The following PIEZO2 variants were observed in gnomAD, a reference collection of about 807,000 sequenced individuals.
PIEZO2 encodes the protein piezo type mechanosensitive ion channel component 2.
Under a neutral mutation model 337.3 loss-of-function variants are expected in PIEZO2, and 172 were observed. The observed-to-expected ratio is 0.51, with a 90% CI of 0.45 to 0.58. The LOEUF is 0.58. Ranked by LOEUF, PIEZO2 falls within the 20% of genes least tolerant of loss-of-function variation. The probability of loss-of-function intolerance (pLI) is 0.00; values close to 1 mark genes in which losing one functional copy is unlikely to be tolerated. For synonymous variants in PIEZO2, 1,251 were observed against 1,228.5 expected, an observed-to-expected ratio of 1.02 and a Z score of -0.38; for missense variants, 3,028 against 3,391.3, an observed-to-expected ratio of 0.89 and a Z score of 2.66.
rs939575255 is a variant in PIEZO2, at chr18:10,993,845, T to A, written c.161-14185A>T. Among the ~76,000 whole-genome samples the A allele has an allele frequency of 3.9e-5, 6 of 152,042 alleles. No individual in the cohort carries two copies. The highest frequency in any genetic ancestry group is 1.3e-4 in the Admixed American group (2 of 15,276). On this transcript the variant is annotated intron_variant, in intron 2 of 55. Coordinates refer to ENST00000674853, the MANE Select transcript of PIEZO2 (RefSeq NM_001378183.1). The surrounding 1 kb of genome is among the most constrained non-coding windows in gnomAD (Gnocchi z 5.0). ...CCTGGCCATGTCTCTGCTTTTTTTT[T>A]ATTATTAATTTTAAAATTTTTCATT...
intron 33 of PIEZO2, 52 bp from the exon 34 acceptor site, chr18:10,736,762 G>A: frequency 1.3e-6 from 2 of 1,513,082 alleles, no homozygotes; most frequent in Non-Finnish European, 1.8e-6. Flanking sequence ...TAAGGAAATT[G>A]GGGGCTTATT....
Position 10,988,716 on chromosome 18 carries a change from T to C in PIEZO2, c.161-9056A>G, listed in dbSNP as rs1173119645. On this transcript the variant is annotated intron_variant, in intron 2 of 55. Coordinates refer to ENST00000674853, the MANE Select transcript of PIEZO2 (RefSeq NM_001378183.1). This position sits in a 1 kb window ranked among gnomAD's most constrained non-coding sequence, Gnocchi z 4.8. ...GAAGGAATATTGGATAAGGAAATTG[T>C]GGCATATACATACATAGAATATTAT... Among the ~76,000 whole-genome samples the C allele has an allele frequency of 2.6e-5, 4 of 152,160 alleles. No homozygotes were observed. Among genetic ancestry groups the C allele is most frequent in the Admixed American group, 1.3e-4 (2 of 15,272 alleles).
chr18:10,907,950 C>T (rs1365188299), intron 4 of PIEZO2, among the ~76,000 whole-genome samples: 1 of 152,204 alleles, frequency 6.6e-6, no homozygotes, highest in African/African-American at 2.4e-5. Context: ...CACAAACCTA[C>T]ATTACAACAT....
intron 2 of PIEZO2, among the ~76,000 whole-genome samples, chr18:11,022,872 G>A (rs112942329): frequency 0.053 from 8,038 of 152,180 alleles, 293 homozygotes; most frequent in Non-Finnish European, 0.081. Flanking sequence ...TGTGTCCGGA[G>A]TTTGTTCCTT....
rs927268034 is a variant in PIEZO2 at position 11,035,269 on chromosome 18, C to T, written c.160+30858G>A. Among the ~76,000 whole-genome samples the T allele has an allele frequency of 1.3e-5, 2 of 152,076 alleles. No homozygotes were observed. Among genetic ancestry groups the T allele is most frequent in the Admixed American group, 6.6e-5 (1 of 15,260 alleles). ...AGAGAGTTCTTGCTCTGTTAGTTCA[C>T]GGAGAGCTGGTTGTTTAAAAAGCCT... On this transcript the variant is annotated intron_variant, in intron 2 of 55. Transcript: ENST00000674853. The surrounding 1 kb of genome is among the most constrained non-coding windows in gnomAD (Gnocchi z 4.3).
rs542682863 is a variant in PIEZO2, at chr18:11,127,995, A to T, written c.64+20530T>A. On this transcript the variant is annotated intron_variant, in intron 1 of 55. Coordinates refer to ENST00000674853, the MANE Select transcript of PIEZO2 (RefSeq NM_001378183.1). The surrounding 1 kb of genome is among the most constrained non-coding windows in gnomAD (Gnocchi z 4.5). Reference sequence around the variant, plus strand: ...GAAAATGCTAAGGACTCTACTGCTAACAGTATGCAGAACACTGGTAGTCCT... The same window carrying T: ...GAAAATGCTAAGGACTCTACTGCTATCAGTATGCAGAACACTGGTAGTCCT... 2.0e-5 allele frequency among the ~76,000 whole-genome samples: 3 copies of T among 152,230 alleles called. No individual in the cohort carries two copies. The South Asian group carries it at 6.2e-4, about 32-fold the overall frequency.
At chr18:11,068,753 T>C (rs1269155413) in intron 1 of PIEZO2, among the ~76,000 whole-genome samples, 1 of 152,094 alleles carries the variant, frequency 6.6e-6, no homozygotes. Context: ...GAGTTGGTTT[T>C]TTGAAAAGAA....
rs2170664 is a variant in PIEZO2, at chr18:11,016,409, G to A, written c.161-36749C>T. ...GAGGCTGGAGGGCACTGACAACACA[G>A]AGGAACCAAAACCCAGACAATTCCC... On this transcript the variant is annotated intron_variant, in intron 2 of 55. Coordinates refer to ENST00000674853, the MANE Select transcript of PIEZO2 (RefSeq NM_001378183.1). The surrounding 1 kb of genome is among the most constrained non-coding windows in gnomAD (Gnocchi z 5.6). Among the ~76,000 whole-genome samples, 5,861 of 152,244 alleles carry A rather than the reference G, an allele frequency of 0.038. 226 individuals are homozygous for A. Among genetic ancestry groups the A allele is most frequent in the African/African-American group, 0.1 (4,280 of 41,518 alleles).
At chr18:10,864,551 CT>C (rs1305377077) in intron 5 of PIEZO2, among the ~76,000 whole-genome samples, 3 of 152,158 alleles carry the variant, frequency 2.0e-5, no homozygotes, top group Non-Finnish European at 4.4e-5. Context: ...AAAAATAGTT[CT>C]TGTTAAATAT....
chr18:11,025,489 T>C (rs1321205744), intron 2 of PIEZO2, among the ~76,000 whole-genome samples: 2 of 152,146 alleles, frequency 1.3e-5, no homozygotes, highest in Admixed American at 1.3e-4. Flanking sequence ...CAGAGCATAC[T>C]TTGAATGGCG....
At chr18:10,912,005 A>C (rs2030525252) in intron 3 of PIEZO2, among the ~76,000 whole-genome samples, 1 of 152,128 alleles carries the variant, frequency 6.6e-6, no homozygotes, top group East Asian at 1.9e-4. Context: ...GTTCCAACAC[A>C]TCACCCACCA....
chr18:10,778,433 C>T (rs770759102), intron 18 of PIEZO2, among the ~76,000 whole-genome samples: 4 of 151,392 alleles, frequency 2.6e-5, no homozygotes, highest in South Asian at 2.1e-4. Context: ...CCCAGGTTCA[C>T]GCCATTCTCC....
At position 10,748,651 on chromosome 18, in the gene PIEZO2, C is replaced by A; in HGVS notation, c.4265-21G>T. On this transcript the variant is annotated intron_variant, in intron 29 of 55. Coordinates refer to ENST00000674853, the MANE Select transcript of PIEZO2 (RefSeq NM_001378183.1). The surrounding 1 kb of genome is among the most constrained non-coding windows in gnomAD (Gnocchi z 5.1). ...AGCAGCTATAGTAACAGTAGAAAAA[C>A]ACACATTAAAATTAACATCCATTTT... is the stretch of plus-strand genomic sequence containing the variant. The A allele has an allele frequency of 7.1e-7, 1 of 1,413,268 alleles. No individual in the cohort carries two copies. 87.5% of individuals were successfully genotyped at this position (1,413,268 alleles called of 1,614,324 possible).
In PIEZO2 at chr18:10,762,999, A is replaced by G; in HGVS notation, c.3046T>C (p.Cys1016Arg). Residue 1016 changes from cysteine (C) to arginine (R), a missense_variant, in exon 22 of 56, where the codon TGT becomes CGT. Around this residue, in one of 5 missense-constraint regions of PIEZO2, gnomAD observed 1,925 missense variants for 2,051.9 expected, o/e 0.94. Transcript: ENST00000674853. ...LASSVCTVWT[C>R]VIIVCKMLYQ... The stretch of plus-strand genomic sequence containing the variant: ...AACATTTTGCAGACGATGATCACAC[A>G]CGTCCAGACTGTGCAGACACTTGAA... The G allele has an allele frequency of 6.5e-7, 1 of 1,537,324 alleles. No homozygotes were observed. Among genetic ancestry groups the G allele is most frequent in the Non-Finnish European group, 8.7e-7 (1 of 1,146,924 alleles).
At chr18:11,000,996 G>A (rs2035512792) in intron 2 of PIEZO2, among the ~76,000 whole-genome samples, 1 of 152,174 alleles carries the variant, frequency 6.6e-6, no homozygotes, top group Non-Finnish European at 1.5e-5. Flanking sequence ...CCAGACATGA[G>A]TGTTACCTGG....
At chr18:10,843,614 T>C (rs973511787) in intron 7 of PIEZO2, among the ~76,000 whole-genome samples, 1 of 152,200 alleles carries the variant, frequency 6.6e-6, no homozygotes, top group African/African-American at 2.4e-5. Flanking sequence ...CCACTTCGTA[T>C]TTTGAAAGAC....
chr18:10,699,232 G>A (rs769966774), intron 43 of PIEZO2, 55 bp from the exon 44 acceptor site: 2 of 1,528,088 alleles, frequency 1.3e-6, no homozygotes, highest in Non-Finnish European at 1.7e-6. Flanking sequence ...GGAACCCTTG[G>A]TATTCTGTCT....
At chr18:11,013,382 C>G (rs1203470064) in intron 2 of PIEZO2, among the ~76,000 whole-genome samples, 1 of 152,138 alleles carries the variant, frequency 6.6e-6, no homozygotes, top group Non-Finnish European at 1.5e-5. Context: ...AAGTCCAGCC[C>G]TTGACTTTAG....
intron 16 of PIEZO2, among the ~76,000 whole-genome samples, chr18:10,786,547 G>A (rs1041478587): frequency 5.9e-5 from 9 of 152,204 alleles, no homozygotes; most frequent in African/African-American, 1.9e-4. Context: ...AAGAAAATTA[G>A]AGAAGGATAG....
Sources: gnomAD v4.1 joint callset for allele counts (sites outside exome capture counted in the v4.1 genomes callset) on GRCh38, gnomAD v4.1.1 for gene constraint, gnomAD v4.1.1 regional missense constraint, Gnocchi (gnomAD v3.1) non-coding constraint, MANE v1.5 for transcripts, NCBI Gene and HGNC (gene_info 2026-07-23, HGNC 2026-07-21) for gene names.